Variants in PTPN2 observed in about 807,000 individuals in gnomAD.
The protein encoded by PTPN2 is tyrosine-protein phosphatase non-receptor type 2.
PTPN2 carries 19 observed loss-of-function variants against 57.3 expected under a neutral mutation model. The ratio of observed to expected loss-of-function variants is 0.33; its 90% confidence interval spans 0.23 to 0.49. PTPN2 has a LOEUF of 0.49. Among genes scored for constraint, PTPN2 ranks in the 20% least tolerant of loss-of-function variants. The pLI, the probability that PTPN2 is intolerant of heterozygous loss-of-function variation, is 0.99. For synonymous variants in PTPN2, 153 were observed against 164.9 expected (o/e 0.93, Z 0.55); for missense variants, 358 against 501.1 (o/e 0.71, Z 2.73).
intron 1 of PTPN2, chr18:12,862,757 A>G (rs1410410350): frequency 2.0e-5 from 3 of 152,210 alleles, no homozygotes; most frequent in African/African-American, 4.8e-5. Flanking sequence ...AAGAAAGGTA[A>G]GCAGAAATAC....
chr18:12,858,765 A>T (rs2043685493), intron 2 of PTPN2, among the ~76,000 whole-genome samples: 1 of 152,210 alleles, frequency 6.6e-6, no homozygotes, highest in Non-Finnish European at 1.5e-5. Flanking sequence ...TACTACTCTT[A>T]TAACTTGGGG....
At chr18:12,870,336 T>C (rs1598885228) in intron 1 of PTPN2, among the ~76,000 whole-genome samples, 1 of 42,076 alleles carries the variant, frequency 2.4e-5, no homozygotes, top group African/African-American at 1.1e-4. Context: ...TATATGTATA[T>C]ATATACATAT....
intron 1 of PTPN2, among the ~76,000 whole-genome samples, chr18:12,883,053 A>G (rs1472504737): frequency 6.6e-6 from 1 of 152,246 alleles, no homozygotes. Flanking sequence ...TGTTTATACT[A>G]CATATTGCAT....
At position 12,856,148 on chromosome 18, in the gene PTPN2, A is replaced by G. The variant is rs139742761; in HGVS notation, c.160+3016T>C. On this transcript the variant is annotated intron_variant, in intron 2 of 8. Coordinates refer to ENST00000309660, the MANE Select transcript of PTPN2 (RefSeq NM_002828.4). ...TGAGCCGTAGTTCTTTCCCAGAGAC[A>G]TGAAGTCACCCAGGATGAGGAAGGT... 4.1e-3 allele frequency among the ~76,000 whole-genome samples: 627 copies of G among 152,344 alleles called. 4 individuals are homozygous for G. Among genetic ancestry groups the G allele is most frequent in the African/African-American group, 0.015 (608 of 41,580 alleles).
At chr18:12,805,739 C>G (rs2041624904) in intron 7 of PTPN2, among the ~76,000 whole-genome samples, 1 of 150,620 alleles carries the variant, frequency 6.6e-6, no homozygotes, top group African/African-American at 2.4e-5. Flanking sequence ...AAGCGATTCT[C>G]CTGCCTCAGC....
intron 7 of PTPN2, among the ~76,000 whole-genome samples, chr18:12,808,524 T>G (rs8097740): frequency 0.32 from 48,209 of 152,194 alleles, 7,940 homozygotes; most frequent in South Asian, 0.48. Flanking sequence ...CTCACGCCTG[T>G]AATCCCAACA....
chr18:12,802,181 T>C lies in PTPN2; in HGVS notation c.859-30A>G, dbSNP rs375512827. The C allele has an allele frequency of 4.0e-6, 6 of 1,490,406 alleles. No individual in the cohort carries two copies. In the African/African-American group the frequency reaches 5.7e-5, roughly 14 times the overall value. 92.3% of individuals were successfully genotyped at this position (1,490,406 alleles called of 1,614,324 possible). ...GTAGGGAAGAGAAATGAAAAACAAA[T>C]GCAAACATTAAAAATTTATTTTCCT... On this transcript the variant is annotated intron_variant, in intron 7 of 8. Coordinates refer to ENST00000309660, the MANE Select transcript of PTPN2 (RefSeq NM_002828.4).
chr18:12,837,276 G>A (rs2042900114), intron 2 of PTPN2, among the ~76,000 whole-genome samples: 1 of 152,140 alleles, frequency 6.6e-6, no homozygotes, highest in Non-Finnish European at 1.5e-5. Context: ...TCAAATAGAT[G>A]AGACTAGATT....
chr18:12,787,538 A>G (rs535357683), downstream of PTPN2: 9 of 152,342 alleles, frequency 5.9e-5, no homozygotes, highest in East Asian at 1.7e-3. Flanking sequence ...TTACAGATAT[A>G]CTTACCAAGA....
chr18:12,798,384 A>AT (rs1328543414), intron 8 of PTPN2, among the ~76,000 whole-genome samples: 3 of 151,898 alleles, frequency 2.0e-5, no homozygotes, highest in Non-Finnish European at 4.4e-5. Flanking sequence ...CCCATTAGTT[A>AT]TTTTTCCTGA....
In PTPN2 at chr18:12,863,964, T is replaced by C. The variant is rs572717940; in HGVS notation, c.70-4710A>G. The C allele has an allele frequency of 1.4e-4, 22 of 152,310 alleles. No individual in the cohort carries two copies. The East Asian group carries it at 3.3e-3, about 23-fold the overall frequency. 9.4% of individuals were successfully genotyped at this position (152,310 alleles called of 1,614,324 possible). A position where few individuals can be genotyped will look rare whatever the true frequency, so the allele number is the denominator to read the frequency against. On this transcript the variant is annotated intron_variant, in intron 1 of 8. Coordinates refer to ENST00000309660, the MANE Select transcript of PTPN2 (RefSeq NM_002828.4). ...CAAAGATATCTTTCACAGTTACTTATAATGTTGAAAGGCTTTAAATAAACT... is the reference window on the plus strand; with the variant it reads ...CAAAGATATCTTTCACAGTTACTTACAATGTTGAAAGGCTTTAAATAAACT...
At chr18:12,873,261 CTCTCCCTCTCCCCACGG>C (rs2044333273) in intron 1 of PTPN2, among the ~76,000 whole-genome samples, 1 of 151,682 alleles carries the variant, frequency 6.6e-6, no homozygotes, top group Non-Finnish European at 1.5e-5. Flanking sequence ...CCTCTGCCTC[CTCTCCCTCTCCCCACGG>C]TCTCCGTCTC....
intron 5 of PTPN2, among the ~76,000 whole-genome samples, chr18:12,822,189 G>A (rs1451420669): frequency 8.4e-6 from 1 of 118,892 alleles, no homozygotes; most frequent in Non-Finnish European, 1.8e-5. Flanking sequence ...GGACATTCTA[G>A]GTAGAATAAA....
At chr18:12,840,843 C>T in intron 2 of PTPN2, 2 of 1,595,292 alleles carry the variant, frequency 1.3e-6, no homozygotes, top group Non-Finnish European at 1.7e-6. Flanking sequence ...GTGTGACTTC[C>T]AACTCCTCTC....
At chr18:12,873,436 C>T (rs377055460) in intron 1 of PTPN2, among the ~76,000 whole-genome samples, 47 of 152,334 alleles carry the variant, frequency 3.1e-4, no homozygotes, top group East Asian at 5.8e-4. Flanking sequence ...TGCAGGTGCG[C>T]GCCGCCATGC....
downstream of PTPN2, among the ~76,000 whole-genome samples, chr18:12,791,799 A>C (rs2145208910): frequency 6.6e-6 from 1 of 152,304 alleles, no homozygotes. Context: ...TACAGAAAGC[A>C]AAGCGTAAGC....
chr18:12,823,755 C>T (rs1476314869), intron 5 of PTPN2, among the ~76,000 whole-genome samples: 1 of 152,042 alleles, frequency 6.6e-6, no homozygotes, highest in Admixed American at 6.6e-5. Context: ...TTCCTATAAC[C>T]TAATGGATTT....
chr18:12,800,078 G>A (rs1376821442), intron 8 of PTPN2, among the ~76,000 whole-genome samples: 6 of 152,148 alleles, frequency 3.9e-5, no homozygotes, highest in East Asian at 1.9e-4. Flanking sequence ...AGAAAACACC[G>A]CCACCACATG....
intron 5 of PTPN2, among the ~76,000 whole-genome samples, chr18:12,819,559 G>C (rs2042201097): frequency 2.0e-5 from 3 of 151,674 alleles, no homozygotes; most frequent in African/African-American, 7.3e-5. Flanking sequence ...ACCGATCTAT[G>C]TTTCTGTTAT....
Sources: allele counts gnomAD v4.1 joint callset (sites outside exome capture counted in the v4.1 genomes callset), GRCh38; gene constraint gnomAD v4.1.1; transcripts MANE v1.5; gene names NCBI Gene and HGNC (gene_info 2026-07-23, HGNC 2026-07-21).